Variants in ZNF133 observed in about 807,000 individuals in gnomAD.
The protein encoded by ZNF133 is zinc finger protein 133 (clone pHZ-13).
Under a neutral mutation model 54.9 loss-of-function variants are expected in ZNF133, and 26 were observed. That is an observed-to-expected ratio of 0.47 (90% confidence interval 0.35 to 0.66). The LOEUF is 0.66. Ranked by LOEUF, ZNF133 falls within the 30% of genes least tolerant of loss-of-function variation. ZNF133 has a pLI of 0.01. For synonymous variants in ZNF133, 298 were observed against 320.3 expected (o/e 0.93, Z 0.74); for missense variants, 653 against 820.8 (o/e 0.80, Z 2.50).
intron 3 of ZNF133, among the ~76,000 whole-genome samples, chr20:18,301,733 T>C (rs182803285): frequency 1.3e-5 from 2 of 152,222 alleles, no homozygotes; most frequent in Admixed American, 1.3e-4. Flanking sequence ...TTTGAATAAG[T>C]GTATAACTAG....
chr20:18,303,010 T>TAAATGG lies in ZNF133; in HGVS notation c.-177-1994_-177-1989dup, dbSNP rs1186753402. On this transcript the variant is annotated intron_variant, in intron 3 of 6. Transcript: ENST00000425686. Reference sequence around the variant, plus strand: ...AATACTGCTGAAAGAAAGATGTAAATAAATGGAAAGACATCACATGTTTGT... The same window carrying TAAATGG: ...AATACTGCTGAAAGAAAGATGTAAATAAATGGAAATGGAAAGACATCACATGTTTGT... Among the ~76,000 whole-genome samples the TAAATGG allele has an allele frequency of 6.6e-5, 10 of 150,994 alleles. No individual in the cohort carries two copies. In the East Asian group the frequency reaches 1.9e-3, roughly 29 times the overall value.
Position 18,305,814 on chromosome 20 carries a change from C to A in ZNF133, c.121+7C>A, listed in dbSNP as rs1419114355. 7.5e-6 allele frequency: 12 copies of A among 1,605,570 alleles called. No homozygotes were observed. In the African/African-American group the frequency reaches 1.6e-4, roughly 22 times the overall value. On this transcript the variant is annotated splice_region_variant and intron_variant, in intron 5 of 6. Coordinates refer to ENST00000425686, the MANE Select transcript of ZNF133 (RefSeq NM_001352452.2). The surrounding 1 kb of genome is among the most constrained non-coding windows in gnomAD (Gnocchi z 4.7). Reference sequence around the variant, plus strand: ...AGCAACCTGGTCTCACTGGGTAAGCCTGATATCTGTTAGGATTCCCATTCT... The same window carrying A: ...AGCAACCTGGTCTCACTGGGTAAGCATGATATCTGTTAGGATTCCCATTCT...
chr20:18,292,204 G>T (rs1476883496), intron 1 of ZNF133, among the ~76,000 whole-genome samples: 1 of 152,136 alleles, frequency 6.6e-6, no homozygotes, highest in Non-Finnish European at 1.5e-5. Flanking sequence ...TCCCGCTAAG[G>T]TACATGAATC....
rs753860530 is a variant in ZNF133, at chr20:18,316,422, G to A, written c.1571G>A (p.Cys524Tyr). ...RTHSGERPYV[C>Y]RECGRGFSHQ... Reference sequence around the variant, plus strand: ...CACTCAGGGGAGAGGCCGTATGTGTGCCGAGAGTGCGGGCGAGGCTTTAGC... The same window carrying A: ...CACTCAGGGGAGAGGCCGTATGTGTACCGAGAGTGCGGGCGAGGCTTTAGC... The change falls in exon 7 of 7, where the codon TGC becomes TAC. Residue 524 changes from cysteine (C) to tyrosine (Y), a missense_variant. Around this residue, in one of 4 missense-constraint regions of ZNF133, gnomAD observed 292 missense variants for 431.6 expected, o/e 0.68. Coordinates refer to ENST00000425686, the MANE Select transcript of ZNF133 (RefSeq NM_001352452.2). 1 of 1,614,090 alleles carries A rather than the reference G, an allele frequency of 6.2e-7. No individual in the cohort carries two copies. Among genetic ancestry groups the A allele is most frequent in the South Asian group, 1.1e-5 (1 of 91,058 alleles).
Position 18,305,117 on chromosome 20 carries a change from C to T in ZNF133, c.-68C>T. On this transcript the variant is annotated 5_prime_UTR_variant, in exon 4 of 7. Coordinates refer to ENST00000425686, the MANE Select transcript of ZNF133 (RefSeq NM_001352452.2). This position sits in a 1 kb window ranked among gnomAD's most constrained non-coding sequence, Gnocchi z 4.7. Reference sequence around the variant, plus strand: ...TTTTGGACTGAGTGGCCAAGAAGCTCCATGGTGAGCACTCACAGTCTAAGG... The same window carrying T: ...TTTTGGACTGAGTGGCCAAGAAGCTTCATGGTGAGCACTCACAGTCTAAGG... 1.0e-6 allele frequency: 1 copy of T among 985,626 alleles called. No homozygotes were observed. Among genetic ancestry groups the T allele is most frequent in the Non-Finnish European group, 1.2e-6 (1 of 830,168 alleles). 61.1% of individuals were successfully genotyped at this position (985,626 alleles called of 1,614,324 possible). A position where few individuals can be genotyped will look rare whatever the true frequency, so the allele number is the denominator to read the frequency against.
intron 1 of ZNF133, among the ~76,000 whole-genome samples, chr20:18,294,594 T>C (rs916785932): frequency 6.1e-5 from 9 of 147,734 alleles, no homozygotes; most frequent in Non-Finnish European, 1.4e-4. Context: ...GCAACTTCCT[T>C]GTAAGTCTAA....
At chr20:18,299,994 A>G (rs779433822) in intron 3 of ZNF133, among the ~76,000 whole-genome samples, 3 of 152,212 alleles carry the variant, frequency 2.0e-5, no homozygotes, top group Non-Finnish European at 2.9e-5. Flanking sequence ...AGTTACATGA[A>G]GCCATATAAA....
chr20:18,304,862 C>A, intron 3 of ZNF133, 146 bp from the exon 4 acceptor site: 2 of 484,926 alleles, frequency 4.1e-6, no homozygotes, highest in Non-Finnish European at 5.4e-6. Flanking sequence ...GCTTTGTCTT[C>A]CTTTGCTCAT....
chr20:18,293,217 G>A (rs1260177384), intron 1 of ZNF133, among the ~76,000 whole-genome samples: 4 of 152,244 alleles, frequency 2.6e-5, no homozygotes, highest in African/African-American at 7.2e-5. Context: ...TACCCAAAGC[G>A]GATGTGATCA....
At chr20:18,293,447 G>A (rs6132041) in intron 1 of ZNF133, among the ~76,000 whole-genome samples, 47,652 of 152,184 alleles carry the variant, frequency 0.31, 8,967 homozygotes, top group East Asian at 0.64. Context: ...TCGTTACGTG[G>A]TACGTTAGAG....
At chr20:18,301,350 T>A (rs978256603) in intron 3 of ZNF133, among the ~76,000 whole-genome samples, 1 of 151,932 alleles carries the variant, frequency 6.6e-6, no homozygotes, top group African/African-American at 2.4e-5. Context: ...ATTTTACAAC[T>A]TAGGGAACCA....
chr20:18,292,369 G>A (rs1291025447), intron 1 of ZNF133, among the ~76,000 whole-genome samples: 13 of 152,148 alleles, frequency 8.5e-5, no homozygotes, highest in Admixed American at 8.5e-4. Context: ...GCCTTCATCT[G>A]TACCACACTA....
At chr20:18,302,071 A>C (rs900621927) in intron 3 of ZNF133, among the ~76,000 whole-genome samples, 3 of 152,200 alleles carry the variant, frequency 2.0e-5, no homozygotes, top group African/African-American at 4.8e-5. Flanking sequence ...AGTGGAATTT[A>C]TTCCTGAAAT....
At position 18,290,886 on chromosome 20, in the gene ZNF133, G is replaced by T. The variant is rs548242160; in HGVS notation, c.-432+2282G>T. ...GCTCACACCTGTAATCAGCACTTTG[G>T]GGGGCCAGAGCGGGCAGATCACCTG... On this transcript the variant is annotated intron_variant, in intron 1 of 6. Transcript: ENST00000425686. 1.2e-4 allele frequency among the ~76,000 whole-genome samples: 18 copies of T among 152,240 alleles called. No homozygotes were observed. The South Asian group carries it at 2.5e-3, about 21-fold the overall frequency.
chr20:18,292,233 A>G (rs1457100308), intron 1 of ZNF133, among the ~76,000 whole-genome samples: 1 of 152,222 alleles, frequency 6.6e-6, no homozygotes, highest in Non-Finnish European at 1.5e-5. Context: ...AAATAGAAGG[A>G]GATTTTAAAT....
At position 18,316,681 on chromosome 20, in the gene ZNF133, G is replaced by C. The variant is rs139378991; in HGVS notation, c.1830G>C (p.Thr610=). ...HTGEKPYVCK[T]CGRGFSLKSH... Reference sequence around the variant, plus strand: ...GGGAGAAGCCATATGTGTGCAAGACGTGTGGGCGGGGCTTCAGCCTCAAGT... The same window carrying C: ...GGGAGAAGCCATATGTGTGCAAGACCTGTGGGCGGGGCTTCAGCCTCAAGT... Residue 610 remains threonine (T), a synonymous_variant, in exon 7 of 7, where the codon ACG becomes ACC. Coordinates refer to ENST00000425686, the MANE Select transcript of ZNF133 (RefSeq NM_001352452.2). 1 of 1,613,888 alleles carries C rather than the reference G, an allele frequency of 6.2e-7. No individual in the cohort carries two copies.
intron 6 of ZNF133, chr20:18,314,243 A>G (rs2147880679): frequency 6.6e-6 from 1 of 152,336 alleles, no homozygotes; most frequent in East Asian, 1.9e-4. Flanking sequence ...CGTTACTCAT[A>G]TTGCCTGGTC....
chr20:18,314,206 C>T (rs1325699752), intron 6 of ZNF133: 3 of 152,050 alleles, frequency 2.0e-5, no homozygotes, highest in South Asian at 2.1e-4. Flanking sequence ...AAAGAGCATT[C>T]GGGTAGATCC....
chr20:18,301,510 C>T (rs944309489), intron 3 of ZNF133, among the ~76,000 whole-genome samples: 1 of 152,122 alleles, frequency 6.6e-6, no homozygotes, highest in Admixed American at 6.5e-5. Context: ...AATAAATTGA[C>T]AAACCTTTAG....
Sources: gnomAD v4.1 joint callset for allele counts (sites outside exome capture counted in the v4.1 genomes callset) on GRCh38, gnomAD v4.1.1 for gene constraint, gnomAD v4.1.1 regional missense constraint, Gnocchi (gnomAD v3.1) non-coding constraint, MANE v1.5 for transcripts, NCBI Gene and HGNC (gene_info 2026-07-23, HGNC 2026-07-21) for gene names.